Variants in NFIB observed in about 807,000 individuals in gnomAD.
NFIB encodes nuclear factor 1 B-type.
In NFIB, 11 loss-of-function variants were observed where a neutral mutation model predicts 61.5. The ratio of observed to expected loss-of-function variants is 0.18; its 90% CI spans 0.11 to 0.30. The LOEUF (loss-of-function observed/expected upper bound fraction) is 0.30. Among genes scored for constraint, NFIB ranks in the 10% least tolerant of loss-of-function variants. The pLI is 1.00. For missense variants in NFIB, 471 were observed against 608.9 expected (o/e 0.77, Z 2.38); for synonymous variants, 260 against 216.5 (o/e 1.20, Z -1.76).
chr9:14,093,612 G>C (rs945589510), intron 10 of NFIB: 1 of 152,082 alleles, frequency 6.6e-6, no homozygotes, highest in Non-Finnish European at 1.5e-5. Flanking sequence ...CCCCAAGATG[G>C]AAAGGTTTTT....
chr9:14,232,832 T>G (rs1224526223), intron 2 of NFIB, among the ~76,000 whole-genome samples: 1 of 152,240 alleles, frequency 6.6e-6, no homozygotes, highest in Non-Finnish European at 1.5e-5. Context: ...TCAATTGTTT[T>G]GCCTATGTAC....
At chr9:14,272,692 CAAAAAAAAAAA>C (rs61391471) in intron 2 of NFIB, among the ~76,000 whole-genome samples, 7 of 67,226 alleles carry the variant, frequency 1.0e-4, no homozygotes, top group South Asian at 6.4e-4. Context: ...TCAATTCTCG[CAAAAAAAAAAA>C]AAAAAAAAAA....
At chr9:14,177,396 T>C (rs2046306478) in intron 3 of NFIB, among the ~76,000 whole-genome samples, 1 of 152,186 alleles carries the variant, frequency 6.6e-6, no homozygotes. Context: ...TTTTATATTC[T>C]AGGTTTAATT....
At chr9:14,382,943 A>G (rs2133007283) in intron 1 of NFIB, among the ~76,000 whole-genome samples, 2 of 152,308 alleles carry the variant, frequency 1.3e-5, no homozygotes, top group East Asian at 3.9e-4. Context: ...TGAGTTTCTC[A>G]GGCTGGGTAT....
chr9:14,519,868 G>A, the NFIB span, among the ~76,000 whole-genome samples: 2 of 152,128 alleles, frequency 1.3e-5, no homozygotes, highest in Non-Finnish European at 2.9e-5. Flanking sequence ...AGCCTTAGAT[G>A]CCTAGGCCCT....
chr9:14,183,533 A>G (rs2047030038), intron 2 of NFIB, among the ~76,000 whole-genome samples: 1 of 151,870 alleles, frequency 6.6e-6, no homozygotes, highest in Non-Finnish European at 1.5e-5. Context: ...CCTCCCGAGT[A>G]GCTAGGACTA....
At chr9:14,401,186 T>C (rs2061739630), upstream of NFIB, among the ~76,000 whole-genome samples, 1 of 152,216 alleles carries the variant, frequency 6.6e-6, no homozygotes, top group African/African-American at 2.4e-5. Flanking sequence ...ATTGTGTGTC[T>C]ACCCATTGAC....
At chr9:14,463,346 G>C in the NFIB span, among the ~76,000 whole-genome samples, 6 of 151,822 alleles carry the variant, frequency 4.0e-5, no homozygotes, top group African/African-American at 1.4e-4. Flanking sequence ...TACTTTATTA[G>C]ATGGAGAGAT....
At chr9:14,317,437 G>A (rs1259152243), upstream of NFIB, 4 of 152,278 alleles carry the variant, frequency 2.6e-5, no homozygotes. Context: ...GTTTGAGGGT[G>A]CTTATGGCTG....
chr9:14,455,567 G>T, the NFIB span, among the ~76,000 whole-genome samples: 42 of 152,248 alleles, frequency 2.8e-4, 1 homozygote, highest in African/African-American at 1.0e-3. Flanking sequence ...TCAGGGATAT[G>T]ATTTAATGAA....
At chr9:14,177,900 A>C (rs1043077849) in intron 3 of NFIB, among the ~76,000 whole-genome samples, 31 of 152,316 alleles carry the variant, frequency 2.0e-4, no homozygotes, top group Non-Finnish European at 4.1e-4. Flanking sequence ...CAAATATTGA[A>C]AAATTGAATG....
intron 2 of NFIB, among the ~76,000 whole-genome samples, chr9:14,253,096 T>C (rs527278488): frequency 6.6e-6 from 1 of 152,338 alleles, no homozygotes; most frequent in South Asian, 2.1e-4. Context: ...TAAGCAGATC[T>C]GCAACAACTT....
At chr9:14,345,625 A>G (rs962156675) in intron 1 of NFIB, among the ~76,000 whole-genome samples, 6 of 152,136 alleles carry the variant, frequency 3.9e-5, no homozygotes, top group Non-Finnish European at 8.8e-5. Flanking sequence ...TGCGGCTGCC[A>G]CATTTGGAGA....
chr9:14,189,492 A>T (rs763822232), intron 2 of NFIB, among the ~76,000 whole-genome samples: 20 of 152,210 alleles, frequency 1.3e-4, no homozygotes, highest in Middle Eastern at 3.4e-3. Context: ...GAAAAAAATA[A>T]TTTCACACAA....
intron 2 of NFIB, among the ~76,000 whole-genome samples, chr9:14,218,518 G>A (rs907157565): frequency 2.3e-4 from 35 of 152,334 alleles, no homozygotes; most frequent in African/African-American, 8.4e-4. Context: ...ATGCACTGCT[G>A]TAGAACTCCA....
At chr9:14,116,429 T>C in intron 8 of NFIB, 83 bp from the exon 9 acceptor site, 1 of 1,357,278 alleles carries the variant, frequency 7.4e-7, no homozygotes, top group Non-Finnish European at 9.6e-7. Flanking sequence ...CACACACGAC[T>C]GTGTGGATCC....
chr9:14,182,301 C>T (rs192642547), intron 2 of NFIB, among the ~76,000 whole-genome samples: 1 of 152,290 alleles, frequency 6.6e-6, no homozygotes, highest in East Asian at 1.9e-4. Flanking sequence ...CACACAATGA[C>T]AGACTCCTTC....
rs551785803 is a variant in NFIB, at chr9:14,090,693, C to A, written c.1468-2367G>T. 7.2e-5 allele frequency among the ~76,000 whole-genome samples: 11 copies of A among 152,132 alleles called. No homozygotes were observed. The East Asian group carries it at 2.1e-3, about 29-fold the overall frequency. ...AAAAGGACTAGGTAAAGCAGATAATCCTTGACAGTAAAATACAATGTCAAC... is the reference window on the plus strand; with the variant it reads ...AAAAGGACTAGGTAAAGCAGATAATACTTGACAGTAAAATACAATGTCAAC... On this transcript the variant is annotated intron_variant, in intron 10 of 10. Transcript: ENST00000380953.
chr9:14,488,090 T>A, the NFIB span, among the ~76,000 whole-genome samples: 1 of 152,140 alleles, frequency 6.6e-6, no homozygotes, highest in Non-Finnish European at 1.5e-5. Context: ...AAGAATCACC[T>A]AGGCCAGGCA....
Sources: allele counts gnomAD v4.1 joint callset (sites outside exome capture counted in the v4.1 genomes callset), GRCh38; gene constraint gnomAD v4.1.1; transcripts MANE v1.5; gene names NCBI Gene and HGNC (gene_info 2026-07-23, HGNC 2026-07-21).